UNC5D: variants seen among roughly 807,000 people sequenced by gnomAD.
UNC5D encodes unc-5 netrin receptor D.
UNC5D carries 39 observed loss-of-function variants against 105.4 expected under a neutral mutation model. The ratio of observed to expected loss-of-function variants is 0.37; its 90% CI spans 0.29 to 0.48. The LOEUF (loss-of-function observed/expected upper bound fraction) is 0.48, where lower values mean the gene tolerates loss of function less well. UNC5D is among the 20% of genes least tolerant of loss of function. UNC5D has a pLI of 0.98. For synonymous variants in UNC5D, 452 were observed against 450.4 expected, an observed-to-expected ratio of 1.00 and a Z score of -0.04; for missense variants, 991 against 1,202.4, an observed-to-expected ratio of 0.82 and a Z score of 2.60.
chr8:35,295,378 G>T (rs1188317434), intron 1 of UNC5D, among the ~76,000 whole-genome samples: 1 of 151,892 alleles, frequency 6.6e-6, no homozygotes, highest in Non-Finnish European at 1.5e-5. Context: ...TCATCTGCAA[G>T]TTTTTTTCAA....
intron 3 of UNC5D, among the ~76,000 whole-genome samples, chr8:35,586,171 G>A (rs1251069684): frequency 6.6e-6 from 1 of 152,128 alleles, no homozygotes; most frequent in African/African-American, 2.4e-5. Flanking sequence ...CTACTCCAGA[G>A]GCTGAGACAA....
intron 1 of UNC5D, among the ~76,000 whole-genome samples, chr8:35,237,547 G>C (rs1802551250): frequency 6.6e-6 from 1 of 152,094 alleles, no homozygotes; most frequent in South Asian, 2.1e-4. Flanking sequence ...AACAAGAGGT[G>C]GGGACATGCC....
intron 1 of UNC5D, among the ~76,000 whole-genome samples, chr8:35,456,671 A>G (rs963395918): frequency 2.0e-5 from 3 of 152,230 alleles, no homozygotes; most frequent in African/African-American, 7.2e-5. Flanking sequence ...CCACTTGACC[A>G]TAATGGACAA....
chr8:35,455,208 T>C (rs920686014), intron 1 of UNC5D, among the ~76,000 whole-genome samples: 2 of 152,130 alleles, frequency 1.3e-5, no homozygotes, highest in Admixed American at 1.3e-4. Context: ...TTTTATAAAG[T>C]ACTAATAAAT....
At chr8:35,679,431 T>C (rs1825503989) in intron 4 of UNC5D, among the ~76,000 whole-genome samples, 1 of 152,142 alleles carries the variant, frequency 6.6e-6, no homozygotes, top group African/African-American at 2.4e-5. Flanking sequence ...GGAAAGTTCT[T>C]CAGGGCAGAG....
chr8:35,478,767 A>G (rs1178364981), intron 1 of UNC5D, among the ~76,000 whole-genome samples: 1 of 152,158 alleles, frequency 6.6e-6, no homozygotes, highest in African/African-American at 2.4e-5. Context: ...AGTGTGAGGT[A>G]TCTGAGGAAG....
intron 8 of UNC5D, among the ~76,000 whole-genome samples, chr8:35,721,646 G>C (rs1828589308): frequency 6.6e-6 from 1 of 152,146 alleles, no homozygotes; most frequent in Non-Finnish European, 1.5e-5. Context: ...GCCCTAAACT[G>C]ATGTTGTCAG....
intron 1 of UNC5D, among the ~76,000 whole-genome samples, chr8:35,488,268 G>T (rs963791703): frequency 6.6e-6 from 1 of 152,186 alleles, no homozygotes; most frequent in Non-Finnish European, 1.5e-5. Context: ...TGCTACCTGG[G>T]ACTAAAGGTT....
intron 1 of UNC5D, among the ~76,000 whole-genome samples, chr8:35,413,461 CTT>C (rs556334880): frequency 4.3e-4 from 59 of 138,144 alleles, no homozygotes; most frequent in Admixed American, 5.1e-4. Context: ...CCACCATGGG[CTT>C]TTTTTTTTTT....
chr8:35,480,016 T>G (rs2129959494), intron 1 of UNC5D, among the ~76,000 whole-genome samples: 1 of 152,332 alleles, frequency 6.6e-6, no homozygotes, highest in South Asian at 2.1e-4. Flanking sequence ...TTCTATTGTG[T>G]GTTTCCAATG....
At chr8:35,735,413 T>TA (rs1289853859) in intron 11 of UNC5D, among the ~76,000 whole-genome samples, 7 of 152,260 alleles carry the variant, frequency 4.6e-5, no homozygotes, top group African/African-American at 1.7e-4. Flanking sequence ...GGAAATGTTG[T>TA]AAGTCATCTT....
At chr8:35,448,807 T>C (rs1807962490) in intron 1 of UNC5D, among the ~76,000 whole-genome samples, 1 of 152,172 alleles carries the variant, frequency 6.6e-6, no homozygotes, top group East Asian at 1.9e-4. Flanking sequence ...TATTCTATAC[T>C]CTATGTCCGT....
At chr8:35,339,614 T>C (rs1232512495) in intron 1 of UNC5D, among the ~76,000 whole-genome samples, 1 of 152,228 alleles carries the variant, frequency 6.6e-6, no homozygotes, top group Admixed American at 6.5e-5. Flanking sequence ...GAATTCCTTG[T>C]GTGCTGCTGC....
intron 14 of UNC5D, among the ~76,000 whole-genome samples, chr8:35,763,449 T>G (rs1801633218): frequency 7.2e-6 from 1 of 138,928 alleles, no homozygotes; most frequent in Middle Eastern, 3.6e-3. Context: ...TCAGTGCCTT[T>G]TTTTTTTTTT....
intron 1 of UNC5D, among the ~76,000 whole-genome samples, chr8:35,516,059 T>A (rs989054039): frequency 1.3e-5 from 2 of 152,206 alleles, no homozygotes; most frequent in Admixed American, 1.3e-4. Context: ...ATGCTTTTTT[T>A]TATGTCATTT....
intron 9 of UNC5D, 144 bp from the exon 10 acceptor site, chr8:35,726,008 C>A: frequency 3.6e-6 from 4 of 1,120,190 alleles, no homozygotes; most frequent in Non-Finnish European, 3.7e-6. Flanking sequence ...AGCACCCAAC[C>A]TGGCAGGGTG....
At chr8:35,307,534 G>T (rs1354675822) in intron 1 of UNC5D, among the ~76,000 whole-genome samples, 1 of 152,132 alleles carries the variant, frequency 6.6e-6, no homozygotes, top group Non-Finnish European at 1.5e-5. Context: ...TTTTTCTTTG[G>T]TTAAGTGAGG....
intron 4 of UNC5D, among the ~76,000 whole-genome samples, chr8:35,645,982 T>C (rs1823021527): frequency 6.6e-6 from 1 of 152,126 alleles, no homozygotes; most frequent in South Asian, 2.1e-4. Flanking sequence ...ATTAAACTAA[T>C]ATTTCTATCT....
intron 1 of UNC5D, among the ~76,000 whole-genome samples, chr8:35,269,967 C>T (rs1805163151): frequency 6.6e-6 from 1 of 152,102 alleles, no homozygotes; most frequent in South Asian, 2.1e-4. Context: ...TATGAGAGAT[C>T]TTTAGTGGCA....
Sources: allele counts gnomAD v4.1 joint callset (sites outside exome capture counted in the v4.1 genomes callset), GRCh38; gene constraint gnomAD v4.1.1; transcripts MANE v1.5; gene names NCBI Gene and HGNC (gene_info 2026-07-23, HGNC 2026-07-21).